The following CORO2B variants were observed in gnomAD, a reference collection of about 807,000 sequenced individuals.
The protein encoded by CORO2B is coronin-2B.
In CORO2B, 26 loss-of-function variants were observed where a neutral mutation model predicts 58.8. That is an observed-to-expected ratio of 0.44 (90% CI 0.32 to 0.61). The LOEUF (loss-of-function observed/expected upper bound fraction) is 0.61. Ranked by LOEUF, CORO2B falls within the 20% of genes least tolerant of loss-of-function variation. The pLI, the probability that CORO2B is intolerant of heterozygous loss-of-function variation, is 0.04. For missense variants in CORO2B, 460 were observed against 645.1 expected (o/e 0.71, Z 3.11); for synonymous variants, 242 against 253.8 (o/e 0.95, Z 0.44).
chr15:68,539,177 G>A, the CORO2B span, among the ~76,000 whole-genome samples: 1 of 152,192 alleles, frequency 6.6e-6, no homozygotes, highest in Non-Finnish European at 1.5e-5. Flanking sequence ...GCAGGAGCCT[G>A]CTGAGAGAAC....
At chr15:68,594,415 A>G (rs574836115) in intron 1 of CORO2B, among the ~76,000 whole-genome samples, 1 of 152,318 alleles carries the variant, frequency 6.6e-6, no homozygotes, top group South Asian at 2.1e-4. Context: ...TGTGCTCTCC[A>G]GCTCTCACCA....
intron 2 of CORO2B, among the ~76,000 whole-genome samples, chr15:68,673,682 C>T (rs1007858397): frequency 3.3e-5 from 5 of 151,750 alleles, no homozygotes; most frequent in African/African-American, 1.2e-4. Context: ...ACTAAAAATA[C>T]AAAAATTAGC....
chr15:68,557,786 T>G, the CORO2B span, among the ~76,000 whole-genome samples: 1 of 152,228 alleles, frequency 6.6e-6, no homozygotes, highest in Non-Finnish European at 1.5e-5. Context: ...GACATCAGTT[T>G]GCACCACGCT....
intron 1 of CORO2B, among the ~76,000 whole-genome samples, chr15:68,581,188 A>C (rs1899416637): frequency 6.6e-6 from 1 of 152,160 alleles, no homozygotes; most frequent in Non-Finnish European, 1.5e-5. Context: ...CTTGGTATCC[A>C]GTAACTATTC....
chr15:68,650,806 T>C (rs1901617569), intron 2 of CORO2B, among the ~76,000 whole-genome samples: 1 of 152,178 alleles, frequency 6.6e-6, no homozygotes, highest in African/African-American at 2.4e-5. Context: ...AATTCGCTGA[T>C]GTGAAGAGGG....
chr15:68,594,013 G>A (rs1301397851), intron 1 of CORO2B, among the ~76,000 whole-genome samples: 1 of 152,192 alleles, frequency 6.6e-6, no homozygotes, highest in Non-Finnish European at 1.5e-5. Flanking sequence ...TGGTTGGGTG[G>A]CACAGGAAAT....
chr15:68,710,785 G>A lies in CORO2B; in HGVS notation c.387G>A (p.Ala129=), dbSNP rs770986743. The change falls in exon 4 of 12, where the codon GCG becomes GCA. Residue 129 remains alanine (A), a synonymous_variant. Transcript: ENST00000261861. The surrounding 1 kb of genome is among the most constrained non-coding windows in gnomAD (Gnocchi z 4.1). ...EGGLKRNMTE[A]LLELHGHSRR... Reference sequence around the variant, plus strand: ...GGCTGAAGCGGAACATGACGGAGGCGCTCCTGGAGCTGCACGGGCACAGCC... The same window carrying A: ...GGCTGAAGCGGAACATGACGGAGGCACTCCTGGAGCTGCACGGGCACAGCC... 2.4e-5 allele frequency: 38 copies of A among 1,612,138 alleles called. 1 individual carries two copies. The highest frequency in any genetic ancestry group is 1.8e-4 in the South Asian group (16 of 90,494).
chr15:68,609,814 G>A (rs1052014043), intron 1 of CORO2B, among the ~76,000 whole-genome samples: 2 of 152,222 alleles, frequency 1.3e-5, no homozygotes, highest in African/African-American at 4.8e-5. Flanking sequence ...CTGTACAGCA[G>A]CCTGTGAGCC....
chr15:68,661,631 C>A (rs1902018541), intron 2 of CORO2B, among the ~76,000 whole-genome samples: 1 of 152,174 alleles, frequency 6.6e-6, no homozygotes, highest in Non-Finnish European at 1.5e-5. Flanking sequence ...TGCCTTAAAT[C>A]CTGATGCTTG....
intron 1 of CORO2B, among the ~76,000 whole-genome samples, chr15:68,593,439 A>G (rs1335575549): frequency 6.6e-6 from 1 of 152,196 alleles, no homozygotes; most frequent in African/African-American, 2.4e-5. Flanking sequence ...CACATTTCTT[A>G]AAAGCTGAGC....
At chr15:68,658,727 G>A (rs1296851529) in intron 2 of CORO2B, among the ~76,000 whole-genome samples, 1 of 152,230 alleles carries the variant, frequency 6.6e-6, no homozygotes, top group Non-Finnish European at 1.5e-5. Flanking sequence ...GGAACAAGGT[G>A]TAAATGAAAC....
chr15:68,587,047 TATACAC>T (rs1471967465), intron 1 of CORO2B, among the ~76,000 whole-genome samples: 1,686 of 141,816 alleles, frequency 0.012, 38 homozygotes, highest in East Asian at 0.05. Context: ...GGGAGATATG[TATACAC>T]ACACACACAC....
chr15:68,571,439 T>A, the CORO2B span, among the ~76,000 whole-genome samples: 2 of 152,170 alleles, frequency 1.3e-5, no homozygotes, highest in African/African-American at 4.8e-5. Context: ...AGGAATGACA[T>A]TTGACAATAA....
chr15:68,649,658 A>G (rs771961109), intron 2 of CORO2B, among the ~76,000 whole-genome samples: 2 of 152,208 alleles, frequency 1.3e-5, no homozygotes, highest in Non-Finnish European at 2.9e-5. Flanking sequence ...ATTTTAAACT[A>G]TGTATTTATT....
chr15:68,576,351 ATTT>A, upstream of CORO2B, among the ~76,000 whole-genome samples: 1 of 151,922 alleles, frequency 6.6e-6, no homozygotes, highest in Non-Finnish European at 1.5e-5. Flanking sequence ...GATCAGAAAC[ATTT>A]TCCTTCTGCC....
intron 3 of CORO2B, 29 bp downstream of exon 3, chr15:68,695,285 G>A (rs1307387600): frequency 6.4e-7 from 1 of 1,553,852 alleles, no homozygotes; most frequent in Non-Finnish European, 8.9e-7. Context: ...CCGGAGGAGG[G>A]TGGGCTCAGG....
At chr15:68,575,710 A>G (rs549354655), upstream of CORO2B, among the ~76,000 whole-genome samples, 3 of 151,720 alleles carry the variant, frequency 2.0e-5, no homozygotes, top group South Asian at 4.2e-4. Flanking sequence ...CACTGCCCCA[A>G]TCTTCCACTC....
the CORO2B span, among the ~76,000 whole-genome samples, chr15:68,539,501 C>G: frequency 6.6e-6 from 1 of 151,818 alleles, no homozygotes; most frequent in Non-Finnish European, 1.5e-5. Context: ...GGCAAAACCC[C>G]ATCTCCACTA....
At chr15:68,667,787 G>A (rs1357000704) in intron 2 of CORO2B, among the ~76,000 whole-genome samples, 1 of 152,124 alleles carries the variant, frequency 6.6e-6, no homozygotes, top group Non-Finnish European at 1.5e-5. Context: ...TTAGTGGAGG[G>A]AGTTGCTGGA....
Sources: allele counts gnomAD v4.1 joint callset (sites outside exome capture counted in the v4.1 genomes callset), GRCh38; gene constraint gnomAD v4.1.1; non-coding constraint Gnocchi (gnomAD v3.1); transcripts MANE v1.5; gene names NCBI Gene and HGNC (gene_info 2026-07-23, HGNC 2026-07-21).